NPAS3: variants seen among roughly 807,000 people sequenced by gnomAD.
NPAS3 encodes neuronal PAS domain-containing protein 3.
NPAS3 carries 14 observed loss-of-function variants against 73.1 expected under a neutral mutation model. That is an observed-to-expected ratio of 0.19 (90% confidence interval 0.13 to 0.30). The LOEUF (loss-of-function observed/expected upper bound fraction) is 0.30, where lower values mean the gene tolerates loss of function less well. NPAS3 is among the 10% of genes least tolerant of loss of function. NPAS3 has a pLI of 1.00. For synonymous variants in NPAS3, 620 were observed against 541.5 expected (o/e 1.14, Z -2.01); for missense variants, 1,096 against 1,250.0 (o/e 0.88, Z 1.86).
At chr14:33,246,227 A>T (rs2048368378) in intron 3 of NPAS3, among the ~76,000 whole-genome samples, 1 of 152,184 alleles carries the variant, frequency 6.6e-6, no homozygotes, top group Admixed American at 6.5e-5. Context: ...GCAGCAGCCC[A>T]GTGCCCAGTC....
chr14:33,073,607 G>T (rs1029084527), intron 2 of NPAS3, among the ~76,000 whole-genome samples: 1 of 152,140 alleles, frequency 6.6e-6, no homozygotes, highest in Non-Finnish European at 1.5e-5. Flanking sequence ...GCCCGTGAAT[G>T]AACAAGGTAA....
intron 3 of NPAS3, among the ~76,000 whole-genome samples, chr14:33,363,246 C>A (rs1419663976): frequency 6.6e-6 from 1 of 152,108 alleles, no homozygotes; most frequent in Non-Finnish European, 1.5e-5. Context: ...CTGGTGTATT[C>A]CCCAAAGAAG....
chr14:33,344,657 G>A (rs1473038263), intron 3 of NPAS3, among the ~76,000 whole-genome samples: 1 of 152,102 alleles, frequency 6.6e-6, no homozygotes, highest in Non-Finnish European at 1.5e-5. Context: ...ATAAAATACT[G>A]TATACTAGAG....
chr14:32,990,945 A>AC (rs1430385716), intron 1 of NPAS3, among the ~76,000 whole-genome samples: 1 of 150,806 alleles, frequency 6.6e-6, no homozygotes, highest in African/African-American at 2.5e-5. Context: ...AAAAACAAAA[A>AC]AAAACAAGCC....
At chr14:33,439,683 C>G (rs17101143) in intron 4 of NPAS3, among the ~76,000 whole-genome samples, 3,380 of 152,174 alleles carry the variant, frequency 0.022, 133 homozygotes, top group African/African-American at 0.077. Context: ...TGCAGAATTC[C>G]CAACCAGTTA....
At chr14:33,371,683 C>T (rs938676624) in intron 4 of NPAS3, among the ~76,000 whole-genome samples, 3 of 151,968 alleles carry the variant, frequency 2.0e-5, no homozygotes, top group African/African-American at 7.3e-5. Flanking sequence ...CATATATCAA[C>T]GTGTCTATGT....
chr14:33,148,721 G>C (rs984595241), intron 2 of NPAS3, among the ~76,000 whole-genome samples: 2 of 152,064 alleles, frequency 1.3e-5, no homozygotes, highest in African/African-American at 4.8e-5. Context: ...AGGTCTCACT[G>C]TGTCACTGAG....
intron 3 of NPAS3, among the ~76,000 whole-genome samples, chr14:33,245,969 A>G (rs2048360313): frequency 6.6e-6 from 1 of 152,130 alleles, no homozygotes; most frequent in Non-Finnish European, 1.5e-5. Flanking sequence ...TGATCCTTAA[A>G]AACAAAGTCT....
chr14:33,293,402 A>AT (rs1357985429), intron 3 of NPAS3, among the ~76,000 whole-genome samples: 11 of 152,182 alleles, frequency 7.2e-5, no homozygotes, highest in African/African-American at 2.4e-4. Context: ...TCTTTTTAGG[A>AT]TAAAAAGTGT....
At position 33,188,494 on chromosome 14, in the gene NPAS3, G is replaced by A. The variant is rs537294096; in HGVS notation, c.141-26688G>A. The stretch of plus-strand genomic sequence containing the variant: ...TTGTGCCTCTCTTATAGCACTTACC[G>A]TGTGGTGTGTTGTAACATTTATTTG... On this transcript the variant is annotated intron_variant, in intron 2 of 11. Coordinates refer to ENST00000356141, the Ensembl canonical transcript of NPAS3. 1.2e-3 allele frequency among the ~76,000 whole-genome samples: 184 copies of A among 152,298 alleles called. 1 individual carries two copies. The highest frequency in any genetic ancestry group is 1.6e-3 in the Non-Finnish European group (111 of 68,016).
At chr14:33,469,822 G>T (rs751940770) in intron 4 of NPAS3, among the ~76,000 whole-genome samples, 4 of 152,138 alleles carry the variant, frequency 2.6e-5, no homozygotes, top group Non-Finnish European at 4.4e-5. Flanking sequence ...ATGATTATCT[G>T]TTGCTGCATT....
At chr14:32,976,254 C>T (rs886943185) in intron 1 of NPAS3, among the ~76,000 whole-genome samples, 2 of 152,072 alleles carry the variant, frequency 1.3e-5, no homozygotes, top group Admixed American at 1.3e-4. Flanking sequence ...AGACGGCTCT[C>T]GCACTAGGCC....
chr14:33,567,683 G>A (rs918234597), intron 5 of NPAS3, among the ~76,000 whole-genome samples: 49 of 152,308 alleles, frequency 3.2e-4, no homozygotes, highest in African/African-American at 1.1e-3. Flanking sequence ...TGCTTAGCCT[G>A]AATGCACTGC....
chr14:33,134,625 C>T (rs2043766753), intron 2 of NPAS3, among the ~76,000 whole-genome samples: 1 of 152,190 alleles, frequency 6.6e-6, no homozygotes. Flanking sequence ...GTTTGGTTTT[C>T]CATCAGCATA....
intron 3 of NPAS3, among the ~76,000 whole-genome samples, chr14:33,235,773 T>G (rs922409766): frequency 2.9e-4 from 43 of 146,800 alleles, no homozygotes; most frequent in African/African-American, 1.1e-3. Flanking sequence ...ACATCTTGCG[T>G]ACAAAAGACT....
intron 3 of NPAS3, among the ~76,000 whole-genome samples, chr14:33,296,768 C>A (rs2042318108): frequency 6.6e-6 from 1 of 152,112 alleles, no homozygotes; most frequent in Non-Finnish European, 1.5e-5. Context: ...ACGGAAATGA[C>A]AAAGCTGTGG....
intron 5 of NPAS3, among the ~76,000 whole-genome samples, chr14:33,630,873 A>T (rs2058359236): frequency 6.6e-6 from 1 of 152,226 alleles, no homozygotes; most frequent in South Asian, 2.1e-4. Flanking sequence ...GAGAAAATTG[A>T]TTTTATTCAA....
At chr14:33,511,318 C>A (rs988704846) in intron 4 of NPAS3, among the ~76,000 whole-genome samples, 2 of 152,020 alleles carry the variant, frequency 1.3e-5, no homozygotes, top group East Asian at 3.9e-4. Flanking sequence ...ACCTCAGCAA[C>A]CAAATCATTT....
intron 1 of NPAS3, among the ~76,000 whole-genome samples, chr14:33,024,419 C>T (rs1477559402): frequency 1.3e-5 from 2 of 152,124 alleles, no homozygotes; most frequent in Admixed American, 6.5e-5. Context: ...ATCCGCCTGC[C>T]TCGGCCTCCC....
Sources: allele counts gnomAD v4.1 joint callset (sites outside exome capture counted in the v4.1 genomes callset), GRCh38; gene constraint gnomAD v4.1.1; transcripts MANE v1.5; gene names NCBI Gene and HGNC (gene_info 2026-07-23, HGNC 2026-07-21).